Variants in GABRG3 observed in about 807,000 individuals in gnomAD.
GABRG3 encodes the protein gamma-aminobutyric acid type A receptor subunit gamma3, also known as gamma-aminobutyric acid receptor subunit gamma-3.
GABRG3 carries 25 observed loss-of-function variants against 48.8 expected under a neutral mutation model. The ratio of observed to expected loss-of-function variants is 0.51; its 90% CI spans 0.37 to 0.72. The LOEUF is 0.72. Among genes scored for constraint, GABRG3 ranks in the 30% least tolerant of loss-of-function variants. The pLI is 0.00. For missense variants in GABRG3, 394 were observed against 577.9 expected (o/e 0.68, Z 3.26); for synonymous variants, 227 against 217.6 (o/e 1.04, Z -0.38).
intron 3 of GABRG3, among the ~76,000 whole-genome samples, chr15:27,084,359 G>A (rs1189253196): frequency 6.6e-6 from 1 of 152,126 alleles, no homozygotes; most frequent in Non-Finnish European, 1.5e-5. Flanking sequence ...AAAATTCTTA[G>A]TGTGTGTGTC....
At chr15:27,192,090 G>A (rs932891666) in intron 3 of GABRG3, among the ~76,000 whole-genome samples, 78 of 152,302 alleles carry the variant, frequency 5.1e-4, no homozygotes, top group African/African-American at 1.8e-3. Context: ...TCTGCCGAGA[G>A]ATCCGCTTTA....
chr15:27,121,461 A>G lies in GABRG3; in HGVS notation c.270+94640A>G, dbSNP rs560305698. Reference sequence around the variant, plus strand: ...ATTTCCCTTTGAGCAGATGGCACCTAAGTTATTCAGTCAATAGCTATATGC... The same window carrying G: ...ATTTCCCTTTGAGCAGATGGCACCTGAGTTATTCAGTCAATAGCTATATGC... On this transcript the variant is annotated intron_variant, in intron 3 of 9. Coordinates refer to ENST00000615808, the MANE Select transcript of GABRG3 (RefSeq NM_033223.5). Among the ~76,000 whole-genome samples, 4 of 152,302 alleles carry G rather than the reference A, an allele frequency of 2.6e-5. No homozygotes were observed. In the South Asian group the frequency reaches 8.3e-4, roughly 32 times the overall value.
At chr15:27,211,669 A>G (rs1389526428) in intron 3 of GABRG3, among the ~76,000 whole-genome samples, 1 of 151,962 alleles carries the variant, frequency 6.6e-6, no homozygotes, top group Non-Finnish European at 1.5e-5. Context: ...CCTGCTAACC[A>G]CCCCTAAGCA....
chr15:27,140,508 T>G (rs1026958876), intron 3 of GABRG3, among the ~76,000 whole-genome samples: 1 of 152,234 alleles, frequency 6.6e-6, no homozygotes, highest in African/African-American at 2.4e-5. Context: ...TATTCCCATT[T>G]TCCCCTCCTT....
chr15:27,045,011 A>G (rs938747598), intron 3 of GABRG3, among the ~76,000 whole-genome samples: 5 of 152,260 alleles, frequency 3.3e-5, no homozygotes, highest in Admixed American at 3.3e-4. Flanking sequence ...CTAACAATCA[A>G]TACTAAAAAG....
At position 27,504,652 on chromosome 15, in the gene GABRG3, C is replaced by T. The variant is rs1022661708; in HGVS notation, c.713-15320C>T. ...CCCTATGTAGTTACCATTTCCGGGA[C>T]TGACATTTCATTGGTGTGGATCCAG... On this transcript the variant is annotated intron_variant, in intron 6 of 9. Transcript: ENST00000615808. 1.2e-4 allele frequency among the ~76,000 whole-genome samples: 18 copies of T among 152,100 alleles called. No individual in the cohort carries two copies. The East Asian group carries it at 3.3e-3, about 28-fold the overall frequency.
chr15:27,414,961 G>A (rs973767713), intron 5 of GABRG3, among the ~76,000 whole-genome samples: 19 of 152,034 alleles, frequency 1.2e-4, no homozygotes, highest in South Asian at 2.1e-4. Context: ...ATCTGTTCAG[G>A]TGAAATTTTT....
In GABRG3 at chr15:27,180,301, C is replaced by T. The variant is rs908675945; in HGVS notation, c.271-146508C>T. On this transcript the variant is annotated intron_variant, in intron 3 of 9. Transcript: ENST00000615808. This position sits in a 1 kb window ranked among gnomAD's most constrained non-coding sequence, Gnocchi z 4.2. The stretch of plus-strand genomic sequence containing the variant: ...TGGTCACAATAGCAACTAGAGTAAA[C>T]GGGCAAATGGCTTGAGTGAAAGGAA... Among the ~76,000 whole-genome samples, 10 of 151,784 alleles carry T rather than the reference C, an allele frequency of 6.6e-5. No individual in the cohort carries two copies. Among genetic ancestry groups the T allele is most frequent in the African/African-American group, 1.9e-4 (8 of 41,240 alleles).
At chr15:27,450,230 C>T (rs1300112673) in intron 5 of GABRG3, among the ~76,000 whole-genome samples, 3 of 152,084 alleles carry the variant, frequency 2.0e-5, no homozygotes, top group African/African-American at 4.8e-5. Flanking sequence ...TTTAATCTAC[C>T]GCATATGTTG....
At chr15:27,029,540 G>A (rs928861247) in intron 3 of GABRG3, among the ~76,000 whole-genome samples, 5 of 151,398 alleles carry the variant, frequency 3.3e-5, no homozygotes, top group African/African-American at 7.3e-5. Flanking sequence ...ACATACAGGC[G>A]CACACACACG....
At chr15:27,051,825 G>A (rs1566920965) in intron 3 of GABRG3, among the ~76,000 whole-genome samples, 1 of 152,190 alleles carries the variant, frequency 6.6e-6, no homozygotes, top group Non-Finnish European at 1.5e-5. Flanking sequence ...GTGGAGCCCT[G>A]AGCTTGTTTT....
intron 3 of GABRG3, among the ~76,000 whole-genome samples, chr15:27,255,392 A>G (rs575779398): frequency 3.5e-4 from 53 of 152,280 alleles, no homozygotes; most frequent in African/African-American, 1.7e-4. Flanking sequence ...CCACGTGCCA[A>G]TTCTATAGGA....
intron 2 of GABRG3, among the ~76,000 whole-genome samples, chr15:27,022,473 C>T (rs1367942027): frequency 6.6e-6 from 1 of 152,174 alleles, no homozygotes; most frequent in Non-Finnish European, 1.5e-5. Context: ...ATATGAAGAT[C>T]ATCAGGAGAG....
At chr15:27,418,534 C>T (rs574285345) in intron 5 of GABRG3, among the ~76,000 whole-genome samples, 1 of 152,300 alleles carries the variant, frequency 6.6e-6, no homozygotes, top group East Asian at 1.9e-4. Flanking sequence ...ACTGATTCAG[C>T]TGCCACTGTG....
At chr15:27,009,176 C>T (rs1173922934) in intron 2 of GABRG3, among the ~76,000 whole-genome samples, 1 of 152,080 alleles carries the variant, frequency 6.6e-6, no homozygotes, top group Non-Finnish European at 1.5e-5. Context: ...GCTGCGGGCT[C>T]CTCTAGGTTG....
chr15:26,976,634 C>T lies in GABRG3; in HGVS notation c.54-368C>T, dbSNP rs1215352115. 6.6e-6 allele frequency among the ~76,000 whole-genome samples: 1 copy of T among 152,140 alleles called. No individual in the cohort carries two copies. Among genetic ancestry groups the T allele is most frequent in the Non-Finnish European group, 1.5e-5 (1 of 68,036 alleles). On this transcript the variant is annotated intron_variant, in intron 1 of 9. Transcript: ENST00000615808. The surrounding 1 kb of genome is among the most constrained non-coding windows in gnomAD (Gnocchi z 7.8). ...ACGATGCAGTCACCATATAGAAAAC[C>T]TCTAGAAGGTTTGTGCCTTGACCTT... is the stretch of plus-strand genomic sequence containing the variant.
rs1012876996 is a variant in GABRG3, at chr15:27,534,189, A to T, written c.*1308A>T. 3 of 152,054 alleles carry T rather than the reference A, an allele frequency of 2.0e-5. No homozygotes were observed. The highest frequency in any genetic ancestry group is 4.4e-5 in the Non-Finnish European group (3 of 68,028). The allele number at this position is 152,054 out of a possible 1,614,324, so 9.4% of individuals were successfully genotyped here. A position where few individuals can be genotyped will look rare whatever the true frequency, so the allele number is the denominator to read the frequency against. ...AATTAAAAAAAAAAAATTAGTGAATATTAATTTTCAACTCAAACCAACTTT... is the reference window on the plus strand; with the variant it reads ...AATTAAAAAAAAAAAATTAGTGAATTTTAATTTTCAACTCAAACCAACTTT... On this transcript the variant is annotated 3_prime_UTR_variant, in exon 10 of 10. Transcript: ENST00000615808.
intron 3 of GABRG3, among the ~76,000 whole-genome samples, chr15:27,045,288 G>C (rs1309541287): frequency 1.3e-5 from 2 of 152,216 alleles, no homozygotes; most frequent in Non-Finnish European, 2.9e-5. Context: ...ACAGGACGGA[G>C]TGGCAGGTGC....
intron 3 of GABRG3, among the ~76,000 whole-genome samples, chr15:27,211,209 T>G (rs895204752): frequency 4.9e-4 from 75 of 152,178 alleles, no homozygotes; most frequent in African/African-American, 1.7e-3. Flanking sequence ...TGCCTCTAGA[T>G]TTCCTGCTCT....
Sources: allele counts gnomAD v4.1 joint callset (sites outside exome capture counted in the v4.1 genomes callset), GRCh38; gene constraint gnomAD v4.1.1; non-coding constraint Gnocchi (gnomAD v3.1); transcripts MANE v1.5; gene names NCBI Gene and HGNC (gene_info 2026-07-23, HGNC 2026-07-21).